FAM131B: variants seen among roughly 807,000 people sequenced by gnomAD.
FAM131B encodes the protein family with sequence similarity 131 member B, also known as protein FAM131B.
A neutral mutation model predicts 42.0 loss-of-function variants in FAM131B; 19 were observed. The observed-to-expected ratio is 0.45, with a 90% CI of 0.32 to 0.66. FAM131B has a LOEUF of 0.66. Among genes scored for constraint, FAM131B ranks in the 30% least tolerant of loss-of-function variants. The probability of loss-of-function intolerance (pLI) is 0.05; values close to 1 mark genes in which losing one functional copy is unlikely to be tolerated. For missense variants in FAM131B, 370 were observed against 468.4 expected, an observed-to-expected ratio of 0.79 and a Z score of 1.94; for synonymous variants, 183 against 177.6, an observed-to-expected ratio of 1.03 and a Z score of -0.24.
At position 143,359,672 on chromosome 7, in the gene FAM131B, G is replaced by GGA; in HGVS notation, c.174+58_174+59dup. ...TACCGTGCTGGTTGGAAGGTGCAAG[G>GGA]GAGAAGATGAGGAGGAGGAGTTCGG... On this transcript the variant is annotated intron_variant, in intron 3 of 6. Coordinates refer to ENST00000443739, the MANE Select transcript of FAM131B (RefSeq NM_001031690.3). This position sits in a 1 kb window ranked among gnomAD's most constrained non-coding sequence, Gnocchi z 5.4. 1 of 1,471,276 alleles carries GGA rather than the reference G, an allele frequency of 6.8e-7. No homozygotes were observed. The highest frequency in any genetic ancestry group is 9.3e-7 in the Non-Finnish European group (1 of 1,072,324). The allele number at this position is 1,471,276 out of a possible 1,614,324, so 91.1% of individuals were successfully genotyped here. A position where few individuals can be genotyped will look rare whatever the true frequency, so the allele number is the denominator to read the frequency against.
In FAM131B at chr7:143,358,155, G is replaced by T. The variant is rs1803770330; in HGVS notation, c.466+672C>A. The stretch of plus-strand genomic sequence containing the variant: ...CAAATCCATGAGCGTGTTGAAGCTG[G>T]TACTGCTCCTGCCCCCCACCCTACA... On this transcript the variant is annotated intron_variant, in intron 5 of 6. Coordinates refer to ENST00000443739, the MANE Select transcript of FAM131B (RefSeq NM_001031690.3). This position sits in a 1 kb window ranked among gnomAD's most constrained non-coding sequence, Gnocchi z 4.7. 6.6e-6 allele frequency among the ~76,000 whole-genome samples: 1 copy of T among 152,250 alleles called. No homozygotes were observed. The highest frequency in any genetic ancestry group is 2.1e-4 in the South Asian group (1 of 4,828).
At chr7:143,360,289 G>A in intron 1 of FAM131B, 140 bp from the exon 2 acceptor site, 1 of 1,466,362 alleles carries the variant, frequency 6.8e-7, no homozygotes, top group Non-Finnish European at 9.0e-7. Context: ...AAATTCTAGG[G>A]GAGACAAGTA....
chr7:143,353,905 A>G lies in FAM131B; in HGVS notation c.*2645T>C. 6.6e-6 allele frequency: 1 copy of G among 151,518 alleles called. No individual in the cohort carries two copies. 9.4% of individuals were successfully genotyped at this position (151,518 alleles called of 1,614,324 possible). Reference sequence around the variant, plus strand: ...AAAAAGAAAATCATTTAGCAAGAGCAGTTTCATTCACAAGAATATAAAAAC... The same window carrying G: ...AAAAAGAAAATCATTTAGCAAGAGCGGTTTCATTCACAAGAATATAAAAAC... On this transcript the variant is annotated 3_prime_UTR_variant, in exon 7 of 7. Coordinates refer to ENST00000443739, the MANE Select transcript of FAM131B (RefSeq NM_001031690.3).
upstream of FAM131B, among the ~76,000 whole-genome samples, chr7:143,367,159 T>G (rs1414881135): frequency 6.6e-6 from 1 of 152,150 alleles, no homozygotes; most frequent in Non-Finnish European, 1.5e-5. Flanking sequence ...GCCATTGTGC[T>G]GGGGCACAGC....
the FAM131B span, among the ~76,000 whole-genome samples, chr7:143,376,733 T>C: frequency 6.6e-6 from 1 of 152,154 alleles, no homozygotes; most frequent in Non-Finnish European, 1.5e-5. Context: ...GCCAGTGGGA[T>C]GAGAGGGGCA....
the FAM131B span, among the ~76,000 whole-genome samples, chr7:143,376,834 C>T: frequency 3.0e-4 from 45 of 152,182 alleles, no homozygotes; most frequent in Admixed American, 2.5e-3. Flanking sequence ...AAAGATACAA[C>T]GGCTCTTTCA....
At chr7:143,370,221 G>C in the FAM131B span, among the ~76,000 whole-genome samples, 2 of 152,152 alleles carry the variant, frequency 1.3e-5, no homozygotes, top group African/African-American at 4.8e-5. Context: ...TCTTCCTGGA[G>C]CTCTAGTTTC....
chr7:143,370,293 C>A, the FAM131B span, among the ~76,000 whole-genome samples: 1 of 152,184 alleles, frequency 6.6e-6, no homozygotes, highest in East Asian at 1.9e-4. Context: ...CCTTACTTCT[C>A]TGCACTCCTC....
At chr7:143,361,960 C>T in intron 1 of FAM131B, 2 of 763,474 alleles carry the variant, frequency 2.6e-6, no homozygotes, top group Non-Finnish European at 3.2e-6. Context: ...CTGGCCCTGT[C>T]CCTCCGGGCG....
chr7:143,376,524 G>T, the FAM131B span, among the ~76,000 whole-genome samples: 2 of 152,348 alleles, frequency 1.3e-5, no homozygotes, highest in African/African-American at 4.8e-5. Context: ...GTGGTTGTCA[G>T]TCCCACCCCT....
the FAM131B span, among the ~76,000 whole-genome samples, chr7:143,377,799 C>T: frequency 2.0e-5 from 3 of 152,130 alleles, no homozygotes; most frequent in African/African-American, 4.8e-5. Flanking sequence ...CTGCAACCTC[C>T]GCCTCCCAGG....
rs966306475 is a variant in FAM131B at position 143,362,280 on chromosome 7, G to A, written c.28+296C>T. The stretch of plus-strand genomic sequence containing the variant: ...CAGGGATGAGGGGACCGAGCGTCGG[G>A]CCGAGAGGCAGAGGAGAGGAGGGCG... On this transcript the variant is annotated intron_variant, in intron 1 of 6. Coordinates refer to ENST00000443739, the MANE Select transcript of FAM131B (RefSeq NM_001031690.3). The surrounding 1 kb of genome is among the most constrained non-coding windows in gnomAD (Gnocchi z 7.7). 2.6e-5 allele frequency among the ~76,000 whole-genome samples: 4 copies of A among 152,136 alleles called. No individual in the cohort carries two copies. The highest frequency in any genetic ancestry group is 5.9e-5 in the Non-Finnish European group (4 of 68,018).
the FAM131B span, among the ~76,000 whole-genome samples, chr7:143,371,953 G>A: frequency 6.6e-6 from 1 of 152,190 alleles, no homozygotes; most frequent in Non-Finnish European, 1.5e-5. Context: ...TGTAGGTAGA[G>A]CCTAGGAAAG....
chr7:143,356,199 A>T lies in FAM131B; in HGVS notation c.*351T>A. 4 of 265,016 alleles carry T rather than the reference A, an allele frequency of 1.5e-5. No individual in the cohort carries two copies. The highest frequency in any genetic ancestry group is 8.7e-5 in the South Asian group (1 of 11,490). The allele number at this position is 265,016 out of a possible 1,614,324, so 16.4% of individuals were successfully genotyped here. On this transcript the variant is annotated 3_prime_UTR_variant, in exon 7 of 7. Coordinates refer to ENST00000443739, the MANE Select transcript of FAM131B (RefSeq NM_001031690.3). This position sits in a 1 kb window ranked among gnomAD's most constrained non-coding sequence, Gnocchi z 4.4. ...GGAAGACGAAATCGGGGCGTGAAGA[A>T]CTGAGATCCAGTCTTGAGCACAGCT...
At chr7:143,378,899 T>G in the FAM131B span, among the ~76,000 whole-genome samples, 1 of 152,256 alleles carries the variant, frequency 6.6e-6, no homozygotes, top group African/African-American at 2.4e-5. Flanking sequence ...TTAAGAGCAC[T>G]GACTCTGCTG....
upstream of FAM131B, among the ~76,000 whole-genome samples, chr7:143,366,272 G>C (rs1563099602): frequency 6.6e-6 from 1 of 152,202 alleles, no homozygotes; most frequent in Non-Finnish European, 1.5e-5. Flanking sequence ...AAATGGGAAA[G>C]CAATGATCTT....
the FAM131B span, among the ~76,000 whole-genome samples, chr7:143,368,082 C>T: frequency 0.016 from 2,362 of 152,292 alleles, 87 homozygotes; most frequent in East Asian, 0.16. Context: ...AGAATGTCAG[C>T]GCTTTCCTGC....
At chr7:143,370,045 A>G in the FAM131B span, among the ~76,000 whole-genome samples, 11 of 152,324 alleles carry the variant, frequency 7.2e-5, no homozygotes, top group South Asian at 2.3e-3. Flanking sequence ...TTAAAGAAGA[A>G]TTTCCTTTCC....
At chr7:143,377,520 G>C in the FAM131B span, among the ~76,000 whole-genome samples, 2 of 152,066 alleles carry the variant, frequency 1.3e-5, no homozygotes, top group African/African-American at 2.4e-5. Flanking sequence ...TGGAATACAA[G>C]GATGGAAGCA....
Sources: gnomAD v4.1 joint callset for allele counts (sites outside exome capture counted in the v4.1 genomes callset) on GRCh38, gnomAD v4.1.1 for gene constraint, Gnocchi (gnomAD v3.1) non-coding constraint, MANE v1.5 for transcripts, NCBI Gene and HGNC (gene_info 2026-07-23, HGNC 2026-07-21) for gene names.